ELMO1: variants seen among roughly 807,000 people sequenced by gnomAD.
ELMO1 encodes engulfment and cell motility protein 1.
Under a neutral mutation model 98.9 loss-of-function variants are expected in ELMO1, and 26 were observed. That is an observed-to-expected ratio of 0.26 (90% CI 0.19 to 0.36). The LOEUF is 0.36. ELMO1 is among the 10% of genes least tolerant of loss of function. The probability of loss-of-function intolerance (pLI) is 1.00; values close to 1 mark genes in which losing one functional copy is unlikely to be tolerated. For missense variants in ELMO1, 627 were observed against 935.2 expected (o/e 0.67, Z 4.30); for synonymous variants, 346 against 346.0 (o/e 1.00, Z 0.00).
chr7:37,279,117 G>A (rs921064217), intron 4 of ELMO1, among the ~76,000 whole-genome samples: 3 of 152,126 alleles, frequency 2.0e-5, no homozygotes, highest in Admixed American at 6.5e-5. Flanking sequence ...CAGGAGAATC[G>A]CTTGAAACTG....
At chr7:37,119,397 G>A (rs944369431) in intron 14 of ELMO1, among the ~76,000 whole-genome samples, 5 of 152,156 alleles carry the variant, frequency 3.3e-5, no homozygotes, top group South Asian at 4.1e-4. Flanking sequence ...CTTTTCTCAC[G>A]CTAGGTAATT....
intron 16 of ELMO1, among the ~76,000 whole-genome samples, chr7:36,960,661 A>G (rs1015239837): frequency 6.7e-6 from 1 of 149,440 alleles, no homozygotes; most frequent in Non-Finnish European, 1.5e-5. Context: ...TTCTATGACC[A>G]GACAACATTA....
intron 4 of ELMO1, among the ~76,000 whole-genome samples, chr7:37,277,631 C>T (rs944400976): frequency 6.6e-6 from 1 of 152,246 alleles, no homozygotes; most frequent in African/African-American, 2.4e-5. Flanking sequence ...GCAATATGGC[C>T]GGCATATCTG....
intron 14 of ELMO1, among the ~76,000 whole-genome samples, chr7:37,131,430 C>T (rs1348762706): frequency 6.6e-6 from 1 of 152,196 alleles, no homozygotes; most frequent in Non-Finnish European, 1.5e-5. Context: ...GGAAAACAGG[C>T]TTAAAACATT....
At chr7:37,411,632 G>A (rs565858991) in intron 1 of ELMO1, among the ~76,000 whole-genome samples, 55 of 152,254 alleles carry the variant, frequency 3.6e-4, no homozygotes, top group African/African-American at 1.2e-3. Context: ...GTGTGTGTGC[G>A]GGGCCAAGGA....
chr7:36,984,860 G>A, intron 16 of ELMO1: 1 of 966,004 alleles, frequency 1.0e-6, no homozygotes, highest in Non-Finnish European at 1.2e-6. Flanking sequence ...CTTAGGCAGA[G>A]ATAGAAGCCC....
At chr7:37,052,087 C>T (rs184546840) in intron 15 of ELMO1, among the ~76,000 whole-genome samples, 128 of 152,316 alleles carry the variant, frequency 8.4e-4, no homozygotes, top group African/African-American at 2.4e-3. Context: ...GCTTTCACTT[C>T]GCTCAATCCC....
At chr7:37,337,618 T>C (rs1222426359) in intron 2 of ELMO1, among the ~76,000 whole-genome samples, 1 of 151,816 alleles carries the variant, frequency 6.6e-6, no homozygotes, top group Non-Finnish European at 1.5e-5. Context: ...TTCCCTTCTC[T>C]GCTAGCAGTA....
intron 14 of ELMO1, among the ~76,000 whole-genome samples, chr7:37,122,256 A>T (rs1786109680): frequency 6.6e-6 from 1 of 152,256 alleles, no homozygotes; most frequent in Non-Finnish European, 1.5e-5. Context: ...AGCCAACATC[A>T]TAATGACAGG....
At chr7:36,923,245 C>T (rs576163114) in intron 16 of ELMO1, among the ~76,000 whole-genome samples, 1 of 152,330 alleles carries the variant, frequency 6.6e-6, no homozygotes, top group South Asian at 2.1e-4. Context: ...GGACAGAACA[C>T]AACCTTATAG....
In ELMO1 at chr7:37,405,502, T is replaced by C. The variant is rs147615528; in HGVS notation, c.-74+43173A>G. On this transcript the variant is annotated intron_variant, in intron 1 of 21. Transcript: ENST00000310758. The stretch of plus-strand genomic sequence containing the variant: ...CTTTAACTGACACAAATATGTGTGA[T>C]GAAATGAAATGCACAGAATCGCAAA... Among the ~76,000 whole-genome samples the C allele has an allele frequency of 1.7e-3, 253 of 152,346 alleles. 3 individuals carry two copies. The highest frequency in any genetic ancestry group is 5.2e-3 in the African/African-American group (216 of 41,586).
intron 18 of ELMO1, among the ~76,000 whole-genome samples, chr7:36,886,951 T>G (rs1157432486): frequency 6.6e-6 from 1 of 152,146 alleles, no homozygotes; most frequent in East Asian, 1.9e-4. Flanking sequence ...TGTGGGAGAT[T>G]TGACAATAAG....
intron 16 of ELMO1, among the ~76,000 whole-genome samples, chr7:36,903,185 G>C (rs1023396165): frequency 5.3e-5 from 8 of 152,166 alleles, no homozygotes; most frequent in African/African-American, 1.9e-4. Context: ...CTTCACTCCT[G>C]TGCCTTCATT....
At chr7:37,391,842 C>T (rs1562661516) in intron 1 of ELMO1, among the ~76,000 whole-genome samples, 1 of 152,178 alleles carries the variant, frequency 6.6e-6, no homozygotes, top group Non-Finnish European at 1.5e-5. Flanking sequence ...GGGCTAAGTA[C>T]CCAGAAGGCC....
chr7:37,043,651 C>T (rs559777901), intron 15 of ELMO1, among the ~76,000 whole-genome samples: 4 of 152,168 alleles, frequency 2.6e-5, no homozygotes, highest in South Asian at 2.1e-4. Flanking sequence ...CTATCCCAGA[C>T]GAATTAAATC....
chr7:37,309,386 C>T (rs1798781885), intron 4 of ELMO1, among the ~76,000 whole-genome samples: 1 of 152,200 alleles, frequency 6.6e-6, no homozygotes, highest in Non-Finnish European at 1.5e-5. Flanking sequence ...ATGAGAGCTA[C>T]AATTCAAGAT....
At chr7:36,968,994 T>C (rs1789683363) in intron 16 of ELMO1, among the ~76,000 whole-genome samples, 1 of 152,134 alleles carries the variant, frequency 6.6e-6, no homozygotes, top group Admixed American at 6.5e-5. Context: ...TTAGATTTCC[T>C]CTTTGGTTCA....
At chr7:37,218,235 C>T (rs1793407626) in intron 10 of ELMO1, among the ~76,000 whole-genome samples, 1 of 152,054 alleles carries the variant, frequency 6.6e-6, no homozygotes. Context: ...CTATGTTTGT[C>T]TATCAGTCTA....
At chr7:36,912,535 G>A (rs900328193) in intron 16 of ELMO1, among the ~76,000 whole-genome samples, 5 of 152,136 alleles carry the variant, frequency 3.3e-5, no homozygotes, top group Admixed American at 3.3e-4. Context: ...ATCCATAATA[G>A]TTAAAGCTCC....
Sources: allele counts gnomAD v4.1 joint callset (sites outside exome capture counted in the v4.1 genomes callset), GRCh38; gene constraint gnomAD v4.1.1; transcripts MANE v1.5; gene names NCBI Gene and HGNC (gene_info 2026-07-23, HGNC 2026-07-21).